The following ELF1 variants were observed in gnomAD, a reference collection of about 807,000 sequenced individuals.
The protein encoded by ELF1 is E74 like ETS transcription factor 1.
ELF1 carries 24 observed loss-of-function variants against 59.9 expected under a neutral mutation model. The ratio of observed to expected loss-of-function variants is 0.40; its 90% CI spans 0.29 to 0.56. The LOEUF is 0.56. Ranked by LOEUF, ELF1 falls within the 20% of genes least tolerant of loss-of-function variation. ELF1 has a pLI of 0.44. For missense variants in ELF1, 627 were observed against 742.2 expected, an observed-to-expected ratio of 0.84 and a Z score of 1.80; for synonymous variants, 248 against 266.2, an observed-to-expected ratio of 0.93 and a Z score of 0.67.
At chr13:40,997,666 A>G (rs748618665) in intron 1 of ELF1, among the ~76,000 whole-genome samples, 2 of 152,136 alleles carry the variant, frequency 1.3e-5, no homozygotes, top group African/African-American at 4.8e-5. Flanking sequence ...TGCTGGGATT[A>G]CAGGTGTGAG....
At chr13:41,056,401 G>A (rs1459017037) in intron 1 of ELF1, among the ~76,000 whole-genome samples, 1 of 152,140 alleles carries the variant, frequency 6.6e-6, no homozygotes, top group Non-Finnish European at 1.5e-5. Flanking sequence ...CATTCAGGTT[G>A]TTTCTACTTT....
chr13:41,058,170 C>T (rs1566203345), intron 1 of ELF1, among the ~76,000 whole-genome samples: 1 of 152,174 alleles, frequency 6.6e-6, no homozygotes, highest in African/African-American at 2.4e-5. Flanking sequence ...ATTTTTGTGA[C>T]ATAAAATGTC....
intron 1 of ELF1, among the ~76,000 whole-genome samples, chr13:41,032,833 A>G (rs991867338): frequency 7.2e-6 from 1 of 139,854 alleles, no homozygotes; most frequent in African/African-American, 2.7e-5. Context: ...TGGGTGACAG[A>G]GCAAGACCTT....
chr13:41,036,961 G>T (rs1203046383), intron 1 of ELF1, among the ~76,000 whole-genome samples: 1 of 151,884 alleles, frequency 6.6e-6, no homozygotes, highest in Non-Finnish European at 1.5e-5. Flanking sequence ...TTGTGGGGTG[G>T]GGGGAGTGGG....
At chr13:40,983,416 C>T (rs769214121) in intron 1 of ELF1, among the ~76,000 whole-genome samples, 7 of 152,154 alleles carry the variant, frequency 4.6e-5, no homozygotes, top group African/African-American at 1.4e-4. Flanking sequence ...ATCACTTAAT[C>T]GGTTTCCTAA....
upstream of ELF1, among the ~76,000 whole-genome samples, chr13:41,019,627 T>C (rs1875609267): frequency 6.6e-6 from 1 of 151,744 alleles, no homozygotes; most frequent in South Asian, 2.1e-4. Flanking sequence ...TTTTAAAAGT[T>C]GCTTTACTAT....
In ELF1 at chr13:41,010,454, C is replaced by T. The variant is rs1399250972; in HGVS notation, c.-229+8774G>A. On this transcript the variant is annotated intron_variant, in intron 1 of 8. Transcript: ENST00000239882. ...CGAGAGGGCTACACCCCTATCTCCC[C>T]CCCACCCCCCCAAAAAAATACATAT... Among the ~76,000 whole-genome samples the T allele has an allele frequency of 4.0e-5, 5 of 124,762 alleles. No homozygotes were observed. In the East Asian group the frequency reaches 1.2e-3, roughly 29 times the overall value. The allele number at this position is 124,762 out of a possible 152,430, so 81.8% of individuals were successfully genotyped here. A position where few individuals can be genotyped will look rare whatever the true frequency, so the allele number is the denominator to read the frequency against.
intron 1 of ELF1, among the ~76,000 whole-genome samples, chr13:41,053,375 C>A (rs569589569): frequency 1.3e-5 from 2 of 152,046 alleles, no homozygotes; most frequent in Admixed American, 6.6e-5. Flanking sequence ...AAATTAAGAT[C>A]ATTAACATTA....
At chr13:40,965,637 A>G (rs9566637) in intron 2 of ELF1, among the ~76,000 whole-genome samples, 22,947 of 151,980 alleles carry the variant, frequency 0.15, 2,087 homozygotes, top group East Asian at 0.33. Flanking sequence ...AAAAAAAAAG[A>G]AATGAAGGTT....
chr13:40,961,867 A>C (rs1871843653), intron 2 of ELF1, among the ~76,000 whole-genome samples: 1 of 152,248 alleles, frequency 6.6e-6, no homozygotes, highest in Admixed American at 6.5e-5. Context: ...AGTCAGAGAC[A>C]GGCGTGTAAA....
intron 1 of ELF1, among the ~76,000 whole-genome samples, chr13:41,002,616 C>CA (rs980583926): frequency 1.1e-4 from 17 of 147,896 alleles, no homozygotes; most frequent in African/African-American, 4.2e-4. Flanking sequence ...AGTCCCATCT[C>CA]AAAAAAATAA....
intron 1 of ELF1, among the ~76,000 whole-genome samples, chr13:41,028,449 C>T (rs922046434): frequency 6.6e-6 from 1 of 152,122 alleles, no homozygotes. Context: ...GTCACCCCAC[C>T]AAATAAAGAA....
chr13:41,039,875 T>C (rs1038335629), intron 1 of ELF1, among the ~76,000 whole-genome samples: 2 of 152,066 alleles, frequency 1.3e-5, no homozygotes, highest in South Asian at 2.1e-4. Context: ...AATACCCTAA[T>C]AGAAAAACAG....
intron 1 of ELF1, among the ~76,000 whole-genome samples, chr13:41,042,036 AT>A (rs1876632395): frequency 6.6e-6 from 1 of 151,984 alleles, no homozygotes; most frequent in Non-Finnish European, 1.5e-5. Context: ...ATGTATTTAT[AT>A]TTTTTCAGAC....
At chr13:41,060,600 C>T (rs1446601761) in intron 1 of ELF1, among the ~76,000 whole-genome samples, 1 of 152,168 alleles carries the variant, frequency 6.6e-6, no homozygotes, top group Non-Finnish European at 1.5e-5. Context: ...CAGCCCAGCT[C>T]CTGGCGCCAC....
chr13:41,015,372 G>A (rs951517103), intron 1 of ELF1, among the ~76,000 whole-genome samples: 4 of 151,958 alleles, frequency 2.6e-5, no homozygotes, highest in African/African-American at 9.7e-5. Flanking sequence ...TAACTGGGAT[G>A]GGAAAGGAGC....
intron 5 of ELF1, among the ~76,000 whole-genome samples, chr13:40,947,972 T>C (rs753711287): frequency 6.6e-6 from 1 of 152,056 alleles, no homozygotes; most frequent in East Asian, 1.9e-4. Flanking sequence ...CTAGTCAAGA[T>C]GGAATAACAG....
intron 6 of ELF1, among the ~76,000 whole-genome samples, 185 bp from the exon 7 acceptor site, chr13:40,943,329 T>TA (rs1341281106): frequency 6.6e-6 from 1 of 152,230 alleles, no homozygotes; most frequent in Non-Finnish European, 1.5e-5. Flanking sequence ...TAGCATCTAA[T>TA]AAAGATCTTT....
intron 1 of ELF1, among the ~76,000 whole-genome samples, chr13:41,047,501 G>A (rs1876905278): frequency 6.6e-6 from 1 of 152,206 alleles, no homozygotes; most frequent in Non-Finnish European, 1.5e-5. Context: ...CTAAGGGTCA[G>A]GACCCTCAGG....
Sources: allele counts gnomAD v4.1 joint callset (sites outside exome capture counted in the v4.1 genomes callset), GRCh38; gene constraint gnomAD v4.1.1; transcripts MANE v1.5; gene names NCBI Gene and HGNC (gene_info 2026-07-23, HGNC 2026-07-21).